Variants in RFX3 observed in about 807,000 individuals in gnomAD.
RFX3 encodes regulatory factor X3.
RFX3 carries 14 observed loss-of-function variants against 98.6 expected under a neutral mutation model. The ratio of observed to expected loss-of-function variants is 0.14; its 90% CI spans 0.09 to 0.22. The LOEUF is 0.22. Ranked by LOEUF, RFX3 falls within the 10% of genes least tolerant of loss-of-function variation. The pLI is 1.00. For missense variants in RFX3, 639 were observed against 926.9 expected (o/e 0.69, Z 4.03); for synonymous variants, 383 against 328.4 (o/e 1.17, Z -1.80).
At chr9:3,424,015 C>T (rs1217652922) in intron 1 of RFX3, among the ~76,000 whole-genome samples, 3 of 151,262 alleles carry the variant, frequency 2.0e-5, no homozygotes, top group East Asian at 4.0e-4. Context: ...GGCGTGGTGG[C>T]AGGTGCCTGT....
intron 1 of RFX3, among the ~76,000 whole-genome samples, chr9:3,414,436 T>G (rs921377883): frequency 1.3e-5 from 2 of 151,660 alleles, no homozygotes; most frequent in African/African-American, 2.4e-5. Flanking sequence ...TCCAAAGACA[T>G]ATTTGCTGTC....
chr9:3,446,168 A>G (rs1564110901), intron 1 of RFX3, among the ~76,000 whole-genome samples: 1 of 152,092 alleles, frequency 6.6e-6, no homozygotes, highest in Non-Finnish European at 1.5e-5. Flanking sequence ...GAGTAAACAA[A>G]CAAATTGATA....
At chr9:3,340,418 C>T (rs573853766) in intron 3 of RFX3, among the ~76,000 whole-genome samples, 204 of 152,030 alleles carry the variant, frequency 1.3e-3, no homozygotes, top group African/African-American at 4.4e-3. Flanking sequence ...CTAATAAAAC[C>T]AAAGAGCTTC....
chr9:3,437,640 C>T (rs1845259944), intron 1 of RFX3, among the ~76,000 whole-genome samples: 1 of 152,042 alleles, frequency 6.6e-6, no homozygotes. Flanking sequence ...CTCAGGAGTT[C>T]ATACATAGAC....
At chr9:3,247,616 G>C in intron 15 of RFX3, 4 of 1,321,244 alleles carry the variant, frequency 3.0e-6, no homozygotes, top group East Asian at 3.3e-5. Flanking sequence ...TTCTAAAATA[G>C]AATCATTTAC....
intron 4 of RFX3, among the ~76,000 whole-genome samples, chr9:3,326,619 G>C (rs1194739483): frequency 1.3e-5 from 2 of 152,096 alleles, no homozygotes; most frequent in African/African-American, 2.4e-5. Flanking sequence ...GTTTGCTAAG[G>C]AAAATGGCCT....
intron 2 of RFX3, among the ~76,000 whole-genome samples, chr9:3,385,309 CA>C (rs752579912): frequency 6.6e-6 from 1 of 152,018 alleles, no homozygotes; most frequent in Non-Finnish European, 1.5e-5. Context: ...GTTTGATAGG[CA>C]AATTAGATAT....
chr9:3,293,514 AT>A (rs1349925850), intron 5 of RFX3, among the ~76,000 whole-genome samples: 2 of 152,166 alleles, frequency 1.3e-5, no homozygotes, highest in African/African-American at 4.8e-5. Flanking sequence ...AGACATACTA[AT>A]TTTCCCTGTA....
chr9:3,369,790 C>A (rs368698222), intron 2 of RFX3, among the ~76,000 whole-genome samples: 127 of 152,136 alleles, frequency 8.3e-4, no homozygotes, highest in African/African-American at 2.5e-3. Flanking sequence ...CAATTAATGA[C>A]GAATTAGATT....
intron 1 of RFX3, chr9:3,489,327 C>G (rs1170715252): frequency 2.0e-6 from 1 of 501,710 alleles, no homozygotes; most frequent in Admixed American, 6.4e-5. Context: ...CTCTGACACC[C>G]TTCCCACCTA....
chr9:3,329,490 T>G (rs539579168), intron 4 of RFX3, among the ~76,000 whole-genome samples: 91 of 150,864 alleles, frequency 6.0e-4, no homozygotes, highest in Non-Finnish European at 1.2e-3. Context: ...AACTTAAATA[T>G]GTATGCTCCT....
intron 6 of RFX3, among the ~76,000 whole-genome samples, chr9:3,292,011 C>T (rs748799243): frequency 1.7e-5 from 2 of 120,194 alleles, no homozygotes; most frequent in South Asian, 2.8e-4. Context: ...GAGCTGAGAT[C>T]GTGCCACTGC....
rs141860693 is a variant in RFX3, at chr9:3,356,117, G to C, written c.118-9353C>G. Reference sequence around the variant, plus strand: ...AGGCAATAACCTAAGTTTCCACTTTGTGTTAAAAATTGAAGAATATATCAA... The same window carrying C: ...AGGCAATAACCTAAGTTTCCACTTTCTGTTAAAAATTGAAGAATATATCAA... On this transcript the variant is annotated intron_variant, in intron 2 of 16. Transcript: ENST00000617270. 5.9e-4 allele frequency among the ~76,000 whole-genome samples: 86 copies of C among 145,886 alleles called. 2 individuals carry two copies. The highest frequency in any genetic ancestry group is 2.2e-3 in the African/African-American group (85 of 37,966).
chr9:3,476,051 G>A (rs1329966001), intron 1 of RFX3, among the ~76,000 whole-genome samples: 1 of 152,068 alleles, frequency 6.6e-6, no homozygotes, highest in Non-Finnish European at 1.5e-5. Flanking sequence ...TTCTCACTAT[G>A]TCCCCTCAGC....
At chr9:3,422,221 A>C (rs1332343491) in intron 1 of RFX3, among the ~76,000 whole-genome samples, 1 of 152,176 alleles carries the variant, frequency 6.6e-6, no homozygotes, top group Non-Finnish European at 1.5e-5. Context: ...CACTCACCCA[A>C]AATGAAAACT....
At chr9:3,371,479 C>T (rs2131561839) in intron 2 of RFX3, among the ~76,000 whole-genome samples, 1 of 152,164 alleles carries the variant, frequency 6.6e-6, no homozygotes, top group East Asian at 1.9e-4. Flanking sequence ...GGGATAATTT[C>T]AGTGATCTGT....
At chr9:3,310,754 T>C (rs924330719) in intron 4 of RFX3, among the ~76,000 whole-genome samples, 1 of 152,250 alleles carries the variant, frequency 6.6e-6, no homozygotes, top group East Asian at 1.9e-4. Context: ...AACTATGAAA[T>C]TGAAATCCAA....
At position 3,332,142 on chromosome 9, in the gene RFX3, C is replaced by A. The variant is rs75851157; in HGVS notation, c.216-1625G>T. Among the ~76,000 whole-genome samples the A allele has an allele frequency of 8.7e-3, 1,322 of 152,192 alleles. 15 individuals carry two copies. Among genetic ancestry groups the A allele is most frequent in the African/African-American group, 0.03 (1,247 of 41,516 alleles). ...TCTTTTCCATTATCATACACACTAC[C>A]TTAATTCATAATGTTCTCTATTATA... On this transcript the variant is annotated intron_variant, in intron 3 of 16. Transcript: ENST00000617270.
At chr9:3,516,664 C>T (rs1818203119) in intron 1 of RFX3, among the ~76,000 whole-genome samples, 1 of 152,280 alleles carries the variant, frequency 6.6e-6, no homozygotes, top group South Asian at 2.1e-4. Context: ...ATGAGATCAA[C>T]AGAAACCTAA....
Sources: gnomAD v4.1 joint callset for allele counts (sites outside exome capture counted in the v4.1 genomes callset) on GRCh38, gnomAD v4.1.1 for gene constraint, MANE v1.5 for transcripts, NCBI Gene and HGNC (gene_info 2026-07-23, HGNC 2026-07-21) for gene names.